Variants in LZTS2 observed in about 807,000 individuals in gnomAD.
LZTS2 encodes the protein leucine zipper tumor suppressor 2, also known as leucine zipper putative tumor suppressor 2.
In LZTS2, 32 loss-of-function variants were observed where a neutral mutation model predicts 60.6. That is an observed-to-expected ratio of 0.53 (90% CI 0.40 to 0.71). The LOEUF (loss-of-function observed/expected upper bound fraction) is 0.71, where lower values mean the gene tolerates loss of function less well. Among genes scored for constraint, LZTS2 ranks in the 30% least tolerant of loss-of-function variants. LZTS2 has a pLI of 0.00. For synonymous variants in LZTS2, 360 were observed against 393.1 expected (o/e 0.92, Z 1.00); for missense variants, 792 against 901.9 (o/e 0.88, Z 1.56).
chr10:101,003,672 T>C, exon 2 of LZTS2: 1 of 1,611,606 alleles, frequency 6.2e-7, no homozygotes, highest in South Asian at 1.1e-5. Context: ...CTCCTCCTCC[T>C]CTTCCTCCTC....
rs1407513528 is a variant in LZTS2, at chr10:101,006,439, A to G, written c.1327-46A>G. The G allele has an allele frequency of 1.9e-6, 3 of 1,563,256 alleles. No homozygotes were observed. In the East Asian group the frequency reaches 6.9e-5, roughly 36 times the overall value. On this transcript the variant is annotated intron_variant, in intron 3 of 3. Transcript: ENST00000370220. ...CATGATGTGCAGGGCCTGTCCCCCC[A>G]GGAGAACCTGTCTCACCATCCTTCC...
chr10:101,001,507 GC>G (rs1000158407), exon 1 of LZTS2: 1 of 152,190 alleles, frequency 6.6e-6, no homozygotes, highest in African/African-American at 2.4e-5. Context: ...CCACTTCTTG[GC>G]CCCGCTCTGC....
exon 1 of LZTS2, chr10:101,000,300 T>G (rs1171051976): frequency 6.6e-6 from 1 of 152,186 alleles, no homozygotes; most frequent in Admixed American, 6.5e-5. Context: ...CTGGGGAGAA[T>G]GAGGGGTTCC....
chr10:101,003,966 G>A, exon 2 of LZTS2: 1 of 1,611,908 alleles, frequency 6.2e-7, no homozygotes, highest in Non-Finnish European at 8.5e-7. Context: ...GGGCCGTGTG[G>A]CTGGGGGGCT....
intron 1 of LZTS2, 67 bp downstream of exon 2, chr10:101,003,013 A>C (rs1852080358): frequency 6.6e-7 from 1 of 1,515,752 alleles, no homozygotes; most frequent in African/African-American, 1.4e-5. Context: ...ACTGGAATTT[A>C]GAAGCTTATA....
intron 2 of LZTS2, 152 bp downstream of exon 3, chr10:101,004,318 G>GT: frequency 1.2e-6 from 1 of 864,998 alleles, no homozygotes; most frequent in Non-Finnish European, 1.7e-6. Flanking sequence ...GGTTTAATGT[G>GT]TGGAGTAGCC....
At chr10:101,003,290 A>G in intron 1 of LZTS2, 1 of 533,608 alleles carries the variant, frequency 1.9e-6, no homozygotes, top group Non-Finnish European at 3.2e-6. Context: ...CCATTTCCTC[A>G]TCTGTAATAT....
intron 2 of LZTS2, among the ~76,000 whole-genome samples, chr10:101,005,228 C>T (rs1852144807): frequency 6.6e-6 from 1 of 152,288 alleles, no homozygotes; most frequent in East Asian, 1.9e-4. Flanking sequence ...TCTCGAACTC[C>T]GGAGCTTAAG....
At position 101,003,831 on chromosome 10, in the gene LZTS2, G is replaced by A. The variant is rs374986416; in HGVS notation, c.733G>A (p.Gly245Arg). Residue 245 changes from glycine (G) to arginine (R), a missense_variant, in exon 2 of 4, where the codon GGG (glycine) becomes AGG (arginine). Transcript: ENST00000370220. ...CGAGCCAACCACCAGCTCCCCAGGC[G>A]GGCACCTGCCTTCCCATGGCTCTGG... 7.9e-5 allele frequency: 128 copies of A among 1,613,398 alleles called. 3 individuals carry two copies. In the South Asian group the frequency reaches 1.1e-3, roughly 14 times the overall value.
exon 4 of LZTS2, chr10:101,006,914 C>G: frequency 6.5e-7 from 1 of 1,529,720 alleles, no homozygotes; most frequent in Non-Finnish European, 8.8e-7. Context: ...GCAGCGGGAG[C>G]GGCGGCGGGG....
chr10:101,002,632 C>A, exon 1 of LZTS2: 1 of 1,603,424 alleles, frequency 6.2e-7, no homozygotes, highest in Non-Finnish European at 8.5e-7. Flanking sequence ...TGTGAGCAGC[C>A]TTATCTCAGG....
At position 101,000,178 on chromosome 10, in the gene LZTS2, T is replaced by C. The variant is rs919039670; in HGVS notation, c.-2361T>C. On this transcript the variant is annotated 5_prime_UTR_variant, in exon 1 of 4. Coordinates refer to ENST00000370220, the Ensembl canonical transcript of LZTS2. ...CTTGGAGTTTGGGTGGGAGGGAGAC[T>C]TTCCCCAACTCTTCAGATCCGTCTC... is the stretch of plus-strand genomic sequence containing the variant. 1.3e-5 allele frequency: 2 copies of C among 152,180 alleles called. 1 individual carries two copies. The highest frequency in any genetic ancestry group is 4.8e-5 in the African/African-American group (2 of 41,388). The allele number at this position is 152,180 out of a possible 1,614,324, so 9.4% of individuals were successfully genotyped here.
chr10:101,002,259 C>T, exon 1 of LZTS2: 1 of 323,502 alleles, frequency 3.1e-6, no homozygotes, highest in Non-Finnish European at 5.6e-6. Context: ...ATCATCCAGG[C>T]CTCCCATGCC....
At chr10:101,005,341 A>G in intron 2 of LZTS2, 117 bp from the exon 4 acceptor site, 4 of 1,147,960 alleles carry the variant, frequency 3.5e-6, no homozygotes, top group Non-Finnish European at 4.8e-6. Context: ...TGCAATTACT[A>G]TTGTTGTTTA....
chr10:101,004,040 CCCGCCT>C (rs1564817280), exon 2 of LZTS2: 3 of 1,613,374 alleles, frequency 1.9e-6, no homozygotes, highest in Non-Finnish European at 2.5e-6. Flanking sequence ...CACCACCACC[CCCGCCT>C]CCACCTCCTT....
exon 1 of LZTS2, chr10:101,001,930 G>T (rs909328649): frequency 6.6e-6 from 1 of 152,230 alleles, no homozygotes; most frequent in Non-Finnish European, 1.5e-5. Flanking sequence ...TAAGAGCCGC[G>T]GGTTTCTTAT....
At chr10:100,996,860 C>A (rs981426549), upstream of LZTS2, among the ~76,000 whole-genome samples, 1 of 152,198 alleles carries the variant, frequency 6.6e-6, no homozygotes, top group Admixed American at 6.5e-5. Flanking sequence ...GCCAGGTAGC[C>A]GAATTCTCGG....
At position 101,006,689 on chromosome 10, in the gene LZTS2, C is replaced by T; in HGVS notation, c.1531C>T (p.Gln511Ter). 6.3e-7 allele frequency: 1 copy of T among 1,597,012 alleles called. No homozygotes were observed. The highest frequency in any genetic ancestry group is 8.5e-7 in the Non-Finnish European group (1 of 1,172,096). Residue 511 changes from glutamine (Q) to a stop codon, truncating the protein, a stop_gained, in exon 4 of 4, where the codon CAG (glutamine) becomes TAG (stop). Coordinates refer to ENST00000370220, the Ensembl canonical transcript of LZTS2. LOFTEE classifies it high-confidence loss of function. ...GGAGCTGGAGCTGGAAGCCTGTTCC[C>T]AGGAGCTGCAGCGACACCGCCAGGA...
chr10:101,005,618 A>G (rs376925308), exon 3 of LZTS2: 1 of 1,611,370 alleles, frequency 6.2e-7, no homozygotes, highest in Non-Finnish European at 8.5e-7. Context: ...GACTTCGCAC[A>G]GCTGCTGCAG....
Sources: allele counts gnomAD v4.1 joint callset (sites outside exome capture counted in the v4.1 genomes callset), GRCh38; gene constraint gnomAD v4.1.1; transcripts MANE v1.5; gene names NCBI Gene and HGNC (gene_info 2026-07-23, HGNC 2026-07-21).